Variants in KIF1B observed in about 807,000 individuals in gnomAD.
KIF1B encodes kinesin-like protein KIF1B.
In KIF1B, 76 loss-of-function variants were observed where a neutral mutation model predicts 241.9. The ratio of observed to expected loss-of-function variants is 0.31; its 90% CI spans 0.26 to 0.38. The LOEUF (loss-of-function observed/expected upper bound fraction) is 0.38, where lower values mean the gene tolerates loss of function less well. Ranked by LOEUF, KIF1B falls within the 10% of genes least tolerant of loss-of-function variation. The pLI, the probability that KIF1B is intolerant of heterozygous loss-of-function variation, is 1.00. For missense variants in KIF1B, 1,622 were observed against 2,271.4 expected (o/e 0.71, Z 5.81); for synonymous variants, 750 against 796.7 (o/e 0.94, Z 0.99).
At chr1:10,217,458 T>C (rs1298840229) in intron 1 of KIF1B, among the ~76,000 whole-genome samples, 2 of 150,856 alleles carry the variant, frequency 1.3e-5, no homozygotes, top group Non-Finnish European at 3.0e-5. Context: ...GCTGGGATTA[T>C]AGGCACCCAC....
chr1:10,367,442 G>A (rs1461237432), intron 43 of KIF1B, among the ~76,000 whole-genome samples: 3 of 151,812 alleles, frequency 2.0e-5, no homozygotes, highest in Admixed American at 1.3e-4. Context: ...GGTGGCACAC[G>A]CCTGTAATCC....
intron 48 of KIF1B, among the ~76,000 whole-genome samples, chr1:10,375,790 T>G (rs1330703319): frequency 2.7e-5 from 2 of 74,344 alleles, no homozygotes; most frequent in Admixed American, 1.4e-4. Context: ...TTTCTTGTTT[T>G]TTTTTTTTTT....
intron 1 of KIF1B, among the ~76,000 whole-genome samples, chr1:10,223,415 T>G (rs1461520358): frequency 6.6e-6 from 1 of 152,230 alleles, no homozygotes; most frequent in African/African-American, 2.4e-5. Flanking sequence ...TAATGGATAC[T>G]GTTTATAGTA....
rs376848575 is a variant in KIF1B, at chr1:10,215,549, C to T, written c.-80+4671C>T. Among the ~76,000 whole-genome samples, 23 of 150,850 alleles carry T rather than the reference C, an allele frequency of 1.5e-4. No individual in the cohort carries two copies. The East Asian group carries it at 3.4e-3, about 22-fold the overall frequency. On this transcript the variant is annotated intron_variant, in intron 1 of 48. Transcript: ENST00000676179. ...AACCATACTACCCTCTACCATTGCC[C>T]GTTTTTTTCCCCTTGAGACAGGCTC...
intron 22 of KIF1B, among the ~76,000 whole-genome samples, chr1:10,316,947 C>T (rs571666643): frequency 1.8e-4 from 27 of 151,416 alleles, no homozygotes; most frequent in Non-Finnish European, 3.2e-4. Context: ...TGCTGTGTTG[C>T]CCAGGCTGGA....
At chr1:10,302,967 C>T (rs1357609947) in intron 22 of KIF1B, among the ~76,000 whole-genome samples, 1 of 151,448 alleles carries the variant, frequency 6.6e-6, no homozygotes, top group Admixed American at 6.6e-5. Flanking sequence ...TAGAAATGTA[C>T]ATAGGCGTAT....
At chr1:10,254,029 A>G (rs904853275) in intron 2 of KIF1B, among the ~76,000 whole-genome samples, 1 of 152,234 alleles carries the variant, frequency 6.6e-6, no homozygotes, top group South Asian at 2.1e-4. Flanking sequence ...TGGCCTTGCC[A>G]CATCTCAAAG....
chr1:10,360,114 C>T (rs1233518109), intron 38 of KIF1B, among the ~76,000 whole-genome samples: 1 of 151,972 alleles, frequency 6.6e-6, no homozygotes, highest in African/African-American at 2.4e-5. Flanking sequence ...CAGTTTCTAC[C>T]ATTAATCCCT....
chr1:10,307,303 G>GT lies in KIF1B; in HGVS notation c.2115+10063dup, dbSNP rs1226501366. ...CTCTTGGTATGGCCCATATTACTTT[G>GT]TTTTTTGTTTTTGTTATTGTTGTTT... On this transcript the variant is annotated intron_variant, in intron 22 of 48. Coordinates refer to ENST00000676179, the MANE Select transcript of KIF1B (RefSeq NM_001365951.3). The GT allele has an allele frequency of 4.9e-6, 5 of 1,014,014 alleles. No individual in the cohort carries two copies. In the South Asian group the frequency reaches 1.4e-4, roughly 28 times the overall value. 62.8% of individuals were successfully genotyped at this position (1,014,014 alleles called of 1,614,324 possible).
intron 28 of KIF1B, among the ~76,000 whole-genome samples, chr1:10,335,272 A>G (rs1652122590): frequency 6.6e-6 from 1 of 151,906 alleles, no homozygotes; most frequent in Admixed American, 6.6e-5. Context: ...TTTTGTTTTG[A>G]GACGGAGTGT....
intron 38 of KIF1B, among the ~76,000 whole-genome samples, chr1:10,360,369 G>A (rs1040161520): frequency 2.0e-5 from 3 of 151,956 alleles, no homozygotes; most frequent in East Asian, 3.9e-4. Context: ...GGCAGAGGCA[G>A]GCTTGTCAAA....
chr1:10,313,590 G>C (rs1331638175), intron 22 of KIF1B, among the ~76,000 whole-genome samples: 2 of 129,510 alleles, frequency 1.5e-5, no homozygotes, highest in South Asian at 4.7e-4. Flanking sequence ...TCGCTCTGTC[G>C]CCCAGGCTGG....
intron 2 of KIF1B, among the ~76,000 whole-genome samples, chr1:10,236,665 T>G (rs980503554): frequency 6.6e-6 from 1 of 152,240 alleles, no homozygotes; most frequent in Non-Finnish European, 1.5e-5. Context: ...AACTTTTTTC[T>G]GTAGAATATT....
At chr1:10,286,850 T>C (rs2102240293) in intron 15 of KIF1B, among the ~76,000 whole-genome samples, 1 of 152,240 alleles carries the variant, frequency 6.6e-6, no homozygotes, top group East Asian at 1.9e-4. Context: ...AATTTTTTTT[T>C]TTTCAAAGAA....
chr1:10,228,160 G>C (rs1571101467), intron 1 of KIF1B, among the ~76,000 whole-genome samples: 1 of 151,738 alleles, frequency 6.6e-6, no homozygotes, highest in African/African-American at 2.4e-5. Context: ...ACTCCAGCCT[G>C]ACCTGGGTGA....
intron 2 of KIF1B, among the ~76,000 whole-genome samples, chr1:10,249,413 C>G (rs1057114074): frequency 2.0e-5 from 3 of 151,774 alleles, no homozygotes; most frequent in Non-Finnish European, 4.4e-5. Context: ...TTTTTATGCT[C>G]TTGAAAATGG....
At chr1:10,306,890 C>T in intron 22 of KIF1B, 2 of 1,038,074 alleles carry the variant, frequency 1.9e-6, no homozygotes, top group Non-Finnish European at 1.2e-6. Flanking sequence ...TTCATTCTTA[C>T]AGTGGTCTTT....
intron 1 of KIF1B, chr1:10,230,757 C>G (rs192988299): frequency 6.6e-6 from 1 of 151,994 alleles, no homozygotes; most frequent in Admixed American, 6.6e-5. Flanking sequence ...ACAGAAGTTA[C>G]TTACTTGGAT....
chr1:10,273,354 G>T (rs1252627308), intron 10 of KIF1B, among the ~76,000 whole-genome samples: 1 of 152,158 alleles, frequency 6.6e-6, no homozygotes, highest in Non-Finnish European at 1.5e-5. Flanking sequence ...AGAAGTTTGA[G>T]ACCAGTCTGG....
Sources: gnomAD v4.1 joint callset for allele counts (sites outside exome capture counted in the v4.1 genomes callset) on GRCh38, gnomAD v4.1.1 for gene constraint, MANE v1.5 for transcripts, NCBI Gene and HGNC (gene_info 2026-07-23, HGNC 2026-07-21) for gene names.